The following TGFBR3 variants were observed in gnomAD, a reference collection of about 807,000 sequenced individuals.
TGFBR3 encodes the protein transforming growth factor beta receptor 3.
TGFBR3 carries 46 observed loss-of-function variants against 87.9 expected under a neutral mutation model. The observed-to-expected ratio is 0.52, with a 90% CI of 0.41 to 0.67. TGFBR3 has a LOEUF of 0.67. Among genes scored for constraint, TGFBR3 ranks in the 30% least tolerant of loss-of-function variants. The pLI is 0.00. For missense variants in TGFBR3, 866 were observed against 1,041.9 expected (o/e 0.83, Z 2.32); for synonymous variants, 381 against 391.6 (o/e 0.97, Z 0.32).
At chr1:91,800,747 T>C (rs1157381710) in intron 2 of TGFBR3, among the ~76,000 whole-genome samples, 1 of 150,782 alleles carries the variant, frequency 6.6e-6, no homozygotes, top group Non-Finnish European at 1.5e-5. Context: ...CCCAGGGTCA[T>C]ATAAGAAATG....
At chr1:91,842,432 G>T (rs938349814) in intron 2 of TGFBR3, among the ~76,000 whole-genome samples, 10 of 152,238 alleles carry the variant, frequency 6.6e-5, no homozygotes, top group Admixed American at 5.9e-4. Flanking sequence ...TCCCCCACTG[G>T]TCCTGATCCT....
intron 2 of TGFBR3, among the ~76,000 whole-genome samples, chr1:91,841,243 T>C (rs1677266292): frequency 6.6e-6 from 1 of 152,226 alleles, no homozygotes; most frequent in African/African-American, 2.4e-5. Context: ...CTCAAACAAC[T>C]GCACAGTGCT....
intron 3 of TGFBR3, among the ~76,000 whole-genome samples, chr1:91,793,713 T>C (rs1571516124): frequency 6.8e-6 from 1 of 147,868 alleles, no homozygotes; most frequent in Admixed American, 7.0e-5. Context: ...GGCTGAGGCA[T>C]GAGAATTGCT....
chr1:91,709,846 T>A (rs1166925094), intron 13 of TGFBR3, among the ~76,000 whole-genome samples: 1 of 152,114 alleles, frequency 6.6e-6, no homozygotes, highest in Non-Finnish European at 1.5e-5. Flanking sequence ...ACTGCAGCCT[T>A]GGCCTCATGG....
chr1:91,804,488 C>T (rs1282309887), intron 2 of TGFBR3, among the ~76,000 whole-genome samples: 1 of 152,186 alleles, frequency 6.6e-6, no homozygotes, highest in East Asian at 1.9e-4. Context: ...CATCCTTCCC[C>T]CTTGGCCTCA....
intron 2 of TGFBR3, among the ~76,000 whole-genome samples, chr1:91,838,811 C>G (rs1677162568): frequency 6.6e-6 from 1 of 152,082 alleles, no homozygotes; most frequent in African/African-American, 2.4e-5. Flanking sequence ...ACATGCACAG[C>G]AAATCTCTTT....
intron 14 of TGFBR3, among the ~76,000 whole-genome samples, chr1:91,699,431 C>CTTTTTTTTTTTTTTTTTTT (rs60223260): frequency 6.2e-5 from 5 of 80,846 alleles, no homozygotes; most frequent in Admixed American, 3.9e-4. Flanking sequence ...CTTTCTTTTG[C>CTTTTTTTTTTTTTTTTTTT]TTTTTTTTTT....
intron 7 of TGFBR3, among the ~76,000 whole-genome samples, chr1:91,723,198 A>G (rs1672428427): frequency 1.3e-5 from 2 of 152,160 alleles, no homozygotes; most frequent in Admixed American, 6.5e-5. Flanking sequence ...ATTAGCTTTC[A>G]GGGATGGGTG....
chr1:91,737,626 T>C (rs1014677559), intron 4 of TGFBR3, among the ~76,000 whole-genome samples: 5 of 152,172 alleles, frequency 3.3e-5, no homozygotes, highest in African/African-American at 7.2e-5. Context: ...GTCTGAGCCA[T>C]GCCTACTAGA....
At chr1:91,765,025 TCAAAA>T (rs1674123372) in intron 3 of TGFBR3, among the ~76,000 whole-genome samples, 1 of 152,164 alleles carries the variant, frequency 6.6e-6, no homozygotes, top group Admixed American at 6.5e-5. Flanking sequence ...GTAAACTTTC[TCAAAA>T]CATTATGAGA....
intron 2 of TGFBR3, among the ~76,000 whole-genome samples, chr1:91,826,932 C>A (rs906390548): frequency 2.6e-5 from 4 of 152,080 alleles, no homozygotes; most frequent in African/African-American, 9.7e-5. Flanking sequence ...AGAGAGTTAT[C>A]AATCTGTTGT....
At chr1:91,750,070 A>C (rs1167502420) in intron 4 of TGFBR3, among the ~76,000 whole-genome samples, 1 of 152,184 alleles carries the variant, frequency 6.6e-6, no homozygotes, top group Non-Finnish European at 1.5e-5. Flanking sequence ...TTTGACCTCA[A>C]TTTGTTGAAT....
chr1:91,872,261 A>G (rs17881174), intron 1 of TGFBR3, among the ~76,000 whole-genome samples: 191 of 152,270 alleles, frequency 1.3e-3, no homozygotes, highest in African/African-American at 4.5e-3. Context: ...CCTACCCATA[A>G]GAGTCTGACA....
At chr1:91,841,894 T>C (rs1373138730) in intron 2 of TGFBR3, among the ~76,000 whole-genome samples, 3 of 147,912 alleles carry the variant, frequency 2.0e-5, no homozygotes, top group East Asian at 4.0e-4. Flanking sequence ...AGTTCAGGAG[T>C]TCGAGACCAG....
chr1:91,820,404 C>T (rs1300715554), intron 2 of TGFBR3, among the ~76,000 whole-genome samples: 1 of 152,166 alleles, frequency 6.6e-6, no homozygotes, highest in Non-Finnish European at 1.5e-5. Flanking sequence ...AAATAACCAG[C>T]CGGGCACGGT....
Position 91,719,428 on chromosome 1 carries a change from C to T in TGFBR3, c.1450G>A (p.Asp484Asn). 6.2e-7 allele frequency: 1 copy of T among 1,614,146 alleles called. No individual in the cohort carries two copies. Among genetic ancestry groups the T allele is most frequent in the East Asian group, 2.2e-5 (1 of 44,864 alleles). ...GYSGMDVTLLDPTCKAKMNGT... is the reference protein window; with the variant it reads ...GYSGMDVTLLNPTCKAKMNGT... ...TTCATCTTGGCCTTGCAGGTAGGATCCAACAGGGTGACGTCCATCCCCGAG... is the reference window on the plus strand; with the variant it reads ...TTCATCTTGGCCTTGCAGGTAGGATTCAACAGGGTGACGTCCATCCCCGAG... Residue 484 changes from aspartate to asparagine, a missense_variant, in exon 10 of 17, where the codon GAT becomes AAT. By Grantham distance (23) the Asp-to-Asn change is conservative. Transcript: ENST00000212355.
chr1:91,686,458 G>C (rs1671093413), intron 16 of TGFBR3, among the ~76,000 whole-genome samples: 1 of 151,662 alleles, frequency 6.6e-6, no homozygotes, highest in South Asian at 2.1e-4. Context: ...AATGGGCCAA[G>C]GTGAGTCTCT....
chr1:91,764,315 G>GAGAA (rs1674084542), intron 3 of TGFBR3, among the ~76,000 whole-genome samples: 1 of 6,466 alleles, frequency 1.5e-4, no homozygotes, highest in Non-Finnish European at 2.8e-4. Flanking sequence ...CCACAAAAGA[G>GAGAA]ACAAAAAAAA....
chr1:91,888,566 G>A (rs1679382687), upstream of TGFBR3, among the ~76,000 whole-genome samples: 1 of 152,238 alleles, frequency 6.6e-6, no homozygotes. Flanking sequence ...GCCAGGCATG[G>A]TGGCGGGCAC....
Sources: gnomAD v4.1 joint callset for allele counts (sites outside exome capture counted in the v4.1 genomes callset) on GRCh38, gnomAD v4.1.1 for gene constraint, MANE v1.5 for transcripts, NCBI Gene and HGNC (gene_info 2026-07-23, HGNC 2026-07-21) for gene names.